Variants in GALNT10 observed in about 807,000 individuals in gnomAD.
The protein encoded by GALNT10 is polypeptide N-acetylgalactosaminyltransferase 10.
In GALNT10, 41 loss-of-function variants were observed where a neutral mutation model predicts 75.0. That is an observed-to-expected ratio of 0.55 (90% CI 0.43 to 0.71). The LOEUF is 0.71. Ranked by LOEUF, GALNT10 falls within the 30% of genes least tolerant of loss-of-function variation. The pLI is 0.00. For missense variants in GALNT10, 727 were observed against 818.5 expected (o/e 0.89, Z 1.36); for synonymous variants, 302 against 313.0 (o/e 0.96, Z 0.37).
At chr5:154,212,651 C>T (rs1000456227) in intron 1 of GALNT10, among the ~76,000 whole-genome samples, 2 of 152,160 alleles carry the variant, frequency 1.3e-5, no homozygotes, top group African/African-American at 2.4e-5. Flanking sequence ...GAGTGAGTTA[C>T]AGCTTGTAAG....
chr5:154,375,255 A>G (rs984297409), intron 4 of GALNT10, among the ~76,000 whole-genome samples: 5 of 152,212 alleles, frequency 3.3e-5, no homozygotes, highest in Admixed American at 2.0e-4. Flanking sequence ...TTGTGAAAGC[A>G]TACAGCTTTT....
rs35928766 is a variant in GALNT10 at position 154,210,385 on chromosome 5, TACAC to T, written c.159+19386_159+19389del. On this transcript the variant is annotated intron_variant, in intron 1 of 11. Coordinates refer to ENST00000297107, the MANE Select transcript of GALNT10 (RefSeq NM_198321.4). The stretch of plus-strand genomic sequence containing the variant: ...GCACTTGCATGCACACACACATGCA[TACAC>T]ACACACACACACACACACACACACA... Among the ~76,000 whole-genome samples the T allele has an allele frequency of 2.1e-3, 315 of 148,650 alleles. 1 individual carries two copies. Among genetic ancestry groups the T allele is most frequent in the African/African-American group, 3.8e-3 (154 of 40,648 alleles).
At chr5:154,264,400 A>C (rs1257440463) in intron 1 of GALNT10, among the ~76,000 whole-genome samples, 1 of 152,106 alleles carries the variant, frequency 6.6e-6, no homozygotes, top group African/African-American at 2.4e-5. Context: ...TCAATGTGAT[A>C]ATAGAATTGT....
intron 1 of GALNT10, among the ~76,000 whole-genome samples, chr5:154,291,805 T>G (rs569097709): frequency 6.6e-6 from 1 of 152,250 alleles, no homozygotes; most frequent in South Asian, 2.1e-4. Flanking sequence ...CCCAGCATGT[T>G]TCAAGCTCAC....
intron 7 of GALNT10, chr5:154,403,805 T>C (rs2113211499): frequency 2.5e-6 from 1 of 399,952 alleles, no homozygotes; most frequent in South Asian, 2.4e-5. Flanking sequence ...TGAGCCTCCA[T>C]TTCAGCATCT....
intron 1 of GALNT10, among the ~76,000 whole-genome samples, chr5:154,277,675 T>A (rs1209891911): frequency 6.6e-6 from 1 of 152,226 alleles, no homozygotes; most frequent in South Asian, 2.1e-4. Context: ...CAGTGACCCA[T>A]AAACCAGAGT....
chr5:154,370,269 G>A (rs796919025), intron 4 of GALNT10, among the ~76,000 whole-genome samples: 16 of 152,360 alleles, frequency 1.1e-4, no homozygotes, highest in African/African-American at 3.8e-4. Flanking sequence ...GGACACCCTG[G>A]TGAGAGGAGC....
intron 1 of GALNT10, among the ~76,000 whole-genome samples, chr5:154,192,902 G>A (rs1007878416): frequency 6.6e-6 from 1 of 152,120 alleles, no homozygotes; most frequent in Non-Finnish European, 1.5e-5. Flanking sequence ...GACCCAGATG[G>A]GTAGAGAAGG....
chr5:154,252,578 CT>C (rs1385141361), intron 1 of GALNT10, among the ~76,000 whole-genome samples: 1 of 151,738 alleles, frequency 6.6e-6, no homozygotes, highest in Non-Finnish European at 1.5e-5. Flanking sequence ...GTCCCTTGCT[CT>C]TTTTTTCTAG....
At position 154,412,409 on chromosome 5, in the gene GALNT10, T is replaced by C; in HGVS notation, c.1387-480T>C. 1 of 160,764 alleles carries C rather than the reference T, an allele frequency of 6.2e-6. No homozygotes were observed. The highest frequency in any genetic ancestry group is 1.4e-5 in the Non-Finnish European group (1 of 73,264). The allele number at this position is 160,764 out of a possible 1,614,324, so 10.0% of individuals were successfully genotyped here. On this transcript the variant is annotated intron_variant, in intron 9 of 11. Coordinates refer to ENST00000297107, the MANE Select transcript of GALNT10 (RefSeq NM_198321.4). The surrounding 1 kb of genome is among the most constrained non-coding windows in gnomAD (Gnocchi z 4.2). Reference sequence around the variant, plus strand: ...GATCTCAGCAGGGGGTGAGGGGGCCTCCTGCCACCTCTTGCCATTCACCTG... The same window carrying C: ...GATCTCAGCAGGGGGTGAGGGGGCCCCCTGCCACCTCTTGCCATTCACCTG...
chr5:154,205,519 C>G (rs1445128168), intron 1 of GALNT10, among the ~76,000 whole-genome samples: 1 of 152,164 alleles, frequency 6.6e-6, no homozygotes, highest in Admixed American at 6.5e-5. Context: ...CTGCAGCTCC[C>G]AGTAAGTGGG....
chr5:154,305,082 G>A (rs560164089), intron 3 of GALNT10, among the ~76,000 whole-genome samples: 10 of 152,242 alleles, frequency 6.6e-5, no homozygotes, highest in Admixed American at 6.5e-4. Flanking sequence ...CAGGAGGATC[G>A]CTTAAGCCTA....
rs573007124 is a variant in GALNT10 at position 154,402,482 on chromosome 5, G to A, written c.1057-1622G>A. Among the ~76,000 whole-genome samples, 2 of 152,228 alleles carry A rather than the reference G, an allele frequency of 1.3e-5. No homozygotes were observed. Among genetic ancestry groups the A allele is most frequent in the Non-Finnish European group, 1.5e-5 (1 of 68,028 alleles). On this transcript the variant is annotated intron_variant, in intron 7 of 11. Transcript: ENST00000297107. This position sits in a 1 kb window ranked among gnomAD's most constrained non-coding sequence, Gnocchi z 4.2. ...TATGCAATGGCCCTGCTCTGCCATC[G>A]CCACCTGAAACCATCTCCCATGTTA... is the stretch of plus-strand genomic sequence containing the variant.
intron 1 of GALNT10, among the ~76,000 whole-genome samples, chr5:154,291,042 G>A (rs963470122): frequency 2.6e-5 from 4 of 152,184 alleles, no homozygotes; most frequent in African/African-American, 7.2e-5. Flanking sequence ...GCAGACCCTG[G>A]GAGGGAGGGA....
chr5:154,199,968 C>G (rs962576575), intron 1 of GALNT10, among the ~76,000 whole-genome samples: 1 of 152,174 alleles, frequency 6.6e-6, no homozygotes, highest in East Asian at 1.9e-4. Context: ...ACAGAGAGGT[C>G]AGGTAACATA....
At chr5:154,241,237 T>A (rs1753331558) in intron 1 of GALNT10, among the ~76,000 whole-genome samples, 1 of 152,182 alleles carries the variant, frequency 6.6e-6, no homozygotes, top group South Asian at 2.1e-4. Context: ...GGTTTGGTGT[T>A]TGGCAGTTCC....
intron 1 of GALNT10, among the ~76,000 whole-genome samples, chr5:154,292,108 C>T (rs147305666): frequency 1.4e-3 from 220 of 152,340 alleles, no homozygotes; most frequent in Non-Finnish European, 2.2e-3. Flanking sequence ...ATTTGGCCCA[C>T]GGGCCTCAGG....
intron 1 of GALNT10, among the ~76,000 whole-genome samples, chr5:154,254,248 T>G (rs543787335): frequency 6.6e-6 from 1 of 152,270 alleles, no homozygotes; most frequent in East Asian, 1.9e-4. Flanking sequence ...GTTTTATGGA[T>G]TTTTCTATGT....
intron 5 of GALNT10, among the ~76,000 whole-genome samples, chr5:154,379,847 C>T (rs1436710418): frequency 6.6e-6 from 1 of 152,192 alleles, no homozygotes; most frequent in African/African-American, 2.4e-5. Flanking sequence ...TGGGGCAGTT[C>T]ATTCCCCCAT....
Sources: allele counts gnomAD v4.1 joint callset (sites outside exome capture counted in the v4.1 genomes callset), GRCh38; gene constraint gnomAD v4.1.1; non-coding constraint Gnocchi (gnomAD v3.1); transcripts MANE v1.5; gene names NCBI Gene and HGNC (gene_info 2026-07-23, HGNC 2026-07-21).